KMT2C: variants seen among roughly 807,000 people sequenced by gnomAD.
KMT2C encodes histone-lysine N-methyltransferase 2C.
Under a neutral mutation model 507.9 loss-of-function variants are expected in KMT2C, and 88 were observed. That is an observed-to-expected ratio of 0.17 (90% confidence interval 0.15 to 0.21). The LOEUF (loss-of-function observed/expected upper bound fraction) is 0.21, where lower values mean the gene tolerates loss of function less well. Ranked by LOEUF, KMT2C falls within the 10% of genes least tolerant of loss-of-function variation. The pLI, the probability that KMT2C is intolerant of heterozygous loss-of-function variation, is 1.00. For missense variants in KMT2C, 4,954 were observed against 5,957.8 expected (o/e 0.83, Z 5.55); for synonymous variants, 2,049 against 2,080.8 (o/e 0.98, Z 0.42).
chr7:152,170,334 T>C (rs573230392), intron 40 of KMT2C, among the ~76,000 whole-genome samples: 81 of 151,322 alleles, frequency 5.4e-4, no homozygotes, highest in African/African-American at 1.9e-3. Flanking sequence ...AAACAGGACA[T>C]ACATTATAGT....
chr7:152,379,202 T>C (rs1452186971), intron 1 of KMT2C, among the ~76,000 whole-genome samples: 1 of 152,146 alleles, frequency 6.6e-6, no homozygotes, highest in Non-Finnish European at 1.5e-5. Flanking sequence ...TTTTCATTCT[T>C]TCAGTTGAAC....
chr7:152,435,743 G>A lies in KMT2C; in HGVS notation c.44C>T (p.Pro15Leu). The A allele has an allele frequency of 1.3e-6, 2 of 1,522,940 alleles. No individual in the cohort carries two copies. Among genetic ancestry groups the A allele is most frequent in the East Asian group, 2.7e-5 (1 of 37,696 alleles). The allele number at this position is 1,522,940 out of a possible 1,614,324, so 94.3% of individuals were successfully genotyped here. A position where few individuals can be genotyped will look rare whatever the true frequency, so the allele number is the denominator to read the frequency against. ...EDKSVEQPQP[P>L]PPPPEEPGAP... is the part of the protein sequence containing the mutation. ...TCCAGGCTCCTCGGGGGGTGGTGGC[G>A]GCGGCTGCGGCTGCTCCACGCTCTT... Residue 15 changes from proline (P) to leucine (L), a missense_variant, in exon 1 of 59, where the codon CCG (proline) becomes CTG (leucine). Transcript: ENST00000262189.
At chr7:152,330,521 C>T in intron 3 of KMT2C, 80 bp downstream of exon 3, 8 of 1,374,720 alleles carry the variant, frequency 5.8e-6, no homozygotes, top group South Asian at 1.2e-5. Context: ...TAAACTCATA[C>T]TCCTTGAATT....
intron 1 of KMT2C, among the ~76,000 whole-genome samples, chr7:152,361,326 T>C (rs994076085): frequency 6.6e-6 from 1 of 152,100 alleles, no homozygotes; most frequent in Admixed American, 6.5e-5. Context: ...TTTGGGAGGC[T>C]GAGGTGGGTG....
chr7:152,184,980 T>A (rs1339760814), intron 34 of KMT2C, among the ~76,000 whole-genome samples: 1 of 152,178 alleles, frequency 6.6e-6, no homozygotes, highest in African/African-American at 2.4e-5. Context: ...GGTCTTGAAC[T>A]CCTGGGCTCA....
intron 1 of KMT2C, among the ~76,000 whole-genome samples, chr7:152,412,171 G>A (rs2097691005): frequency 6.6e-6 from 1 of 152,156 alleles, no homozygotes; most frequent in African/African-American, 2.4e-5. Flanking sequence ...GGAGGCCAAG[G>A]CAGGCTGATC....
Position 152,248,368 on chromosome 7 carries a change from A to G in KMT2C, c.2066T>C (p.Met689Thr), listed in dbSNP as rs138046965. 4.6e-5 allele frequency: 75 copies of G among 1,613,986 alleles called. No individual in the cohort carries two copies. In the Middle Eastern group the frequency reaches 2.0e-3, roughly 43 times the overall value. Residue 689 changes from methionine to threonine, a missense_variant, in exon 14 of 59, where the codon ATG becomes ACG. This residue lies in a region of KMT2C where 376 missense variants were observed against 352.4 expected (regional missense o/e 1.07). Transcript: ENST00000262189. ...REESRPPKLVMESVTLPLETL... is the reference protein window; with the variant it reads ...REESRPPKLVTESVTLPLETL... ...TTCTAGTGGAAGAGTGACAGATTCCATGACTAATTTTGGAGGCCTTGATTC... is the reference window on the plus strand; with the variant it reads ...TTCTAGTGGAAGAGTGACAGATTCCGTGACTAATTTTGGAGGCCTTGATTC...
Position 152,176,905 on chromosome 7 carries a change from C to T in KMT2C, c.8548G>A (p.Asp2850Asn), listed in dbSNP as rs748260127. 4.3e-6 allele frequency: 7 copies of T among 1,614,162 alleles called. No individual in the cohort carries two copies. Among genetic ancestry groups the T allele is most frequent in the Middle Eastern group, 1.6e-4 (1 of 6,062 alleles). ...EKNDENKDNV[D>N]TPCSQASAHS... ...GCAGAAGCCTGTGAGCAAGGAGTGT[C>T]AACATTATCTTTATTCTCATCATTT... Residue 2850 changes from aspartate to asparagine, a missense_variant, in exon 38 of 59, where the codon GAC becomes AAC. Asp to Asn is a conservative substitution (Grantham distance 23, BLOSUM62 1). Transcript: ENST00000262189.
intron 2 of KMT2C, among the ~76,000 whole-genome samples, chr7:152,344,813 C>A (rs111285919): frequency 1.2e-3 from 188 of 152,086 alleles, no homozygotes; most frequent in Non-Finnish European, 1.8e-3. Context: ...CAGTGAAACA[C>A]CGTCTCTACT....
At chr7:152,143,405 A>T (rs377439271) in intron 55 of KMT2C, among the ~76,000 whole-genome samples, 1 of 152,272 alleles carries the variant, frequency 6.6e-6, no homozygotes, top group Non-Finnish European at 1.5e-5. Context: ...GAGAAAGGAT[A>T]TAAGACAGAA....
chr7:152,137,291 C>T (rs1317353340), intron 58 of KMT2C: 1 of 179,886 alleles, frequency 5.6e-6, no homozygotes, highest in African/African-American at 2.4e-5. Flanking sequence ...CCCTGATTTA[C>T]TGAATGGGGC....
chr7:152,375,185 G>A (rs1449644403), intron 1 of KMT2C, among the ~76,000 whole-genome samples: 3 of 152,156 alleles, frequency 2.0e-5, no homozygotes, highest in African/African-American at 7.2e-5. Flanking sequence ...TGAGACTACA[G>A]GCACGTGCCA....
intron 55 of KMT2C, among the ~76,000 whole-genome samples, chr7:152,142,651 G>C (rs1303396803): frequency 6.6e-6 from 1 of 152,128 alleles, no homozygotes; most frequent in African/African-American, 2.4e-5. Flanking sequence ...TAGCAACACT[G>C]TTTGTTATGA....
rs143313651 is a variant in KMT2C at position 152,145,176 on chromosome 7, G to A, written c.14151C>T (p.Ala4717=). Residue 4717 remains alanine (A), a synonymous_variant, in exon 54 of 59, where the codon GCC becomes GCT. Coordinates refer to ENST00000262189, the MANE Select transcript of KMT2C (RefSeq NM_170606.3). ...ACCTTAACACAAACCTCTTGACATG[G>A]GCACTCATTTTAGGTTCAGAACGGG... ...GCARSEPKMS[A]HVKRFVLRPH... The A allele has an allele frequency of 6.2e-7, 1 of 1,614,088 alleles. No individual in the cohort carries two copies. The highest frequency in any genetic ancestry group is 8.5e-7 in the Non-Finnish European group (1 of 1,180,012).
intron 1 of KMT2C, among the ~76,000 whole-genome samples, chr7:152,394,111 G>A (rs1427679705): frequency 1.3e-5 from 2 of 152,016 alleles, no homozygotes; most frequent in African/African-American, 4.8e-5. Flanking sequence ...ACATTTCTCT[G>A]ATGCCTATCA....
chr7:152,153,346 T>C (rs12667372), intron 48 of KMT2C, among the ~76,000 whole-genome samples: 7,542 of 152,268 alleles, frequency 0.05, 310 homozygotes, highest in East Asian at 0.17. Context: ...CTGTATTTTG[T>C]TGATAACCAA....
chr7:152,228,580 T>G (rs1225229858), intron 18 of KMT2C, among the ~76,000 whole-genome samples: 1 of 152,214 alleles, frequency 6.6e-6, no homozygotes, highest in Admixed American at 6.5e-5. Context: ...TGTTTGATAG[T>G]GCACTAATTG....
intron 29 of KMT2C, 70 bp downstream of exon 29, chr7:152,194,370 T>C (rs1315401140): frequency 4.0e-6 from 6 of 1,496,460 alleles, no homozygotes; most frequent in South Asian, 2.4e-5. Context: ...ATTATAACCA[T>C]GCAAAAATCT....
At chr7:152,218,662 T>G (rs1024018415) in intron 23 of KMT2C, among the ~76,000 whole-genome samples, 4 of 152,174 alleles carry the variant, frequency 2.6e-5, no homozygotes, top group African/African-American at 9.7e-5. Context: ...CCATTGCTAT[T>G]AAGCACAAAC....
Sources: allele counts gnomAD v4.1 joint callset (sites outside exome capture counted in the v4.1 genomes callset), GRCh38; gene constraint gnomAD v4.1.1; regional missense constraint gnomAD v4.1.1; transcripts MANE v1.5; gene names NCBI Gene and HGNC (gene_info 2026-07-23, HGNC 2026-07-21).